The following RANBP17 variants were observed in gnomAD, a reference collection of about 807,000 sequenced individuals.
RANBP17 encodes ran-binding protein 17.
In RANBP17, 158 loss-of-function variants were observed where a neutral mutation model predicts 141.2. The ratio of observed to expected loss-of-function variants is 1.12; its 90% CI spans 0.98 to 1.28. RANBP17 has a LOEUF of 1.28. Ranked by LOEUF, RANBP17 falls within the 50% of genes most tolerant of loss-of-function variation. The pLI is 0.00. For missense variants in RANBP17, 1,438 were observed against 1,290.7 expected (o/e 1.11, Z -1.75); for synonymous variants, 430 against 450.0 (o/e 0.96, Z 0.56).
chr5:171,265,823 G>C lies in RANBP17; in HGVS notation c.2919G>C (p.Gln973His), dbSNP rs749203550. The C allele has an allele frequency of 2.1e-5, 34 of 1,613,298 alleles. No individual in the cohort carries two copies. In the African/African-American group the frequency reaches 4.4e-4, roughly 21 times the overall value. Reference sequence around the variant, plus strand: ...GTCAGAGACTATTACATTTTATGCAGCAAAACCCAGATGTCCTGCAGCAGG... The same window carrying C: ...GTCAGAGACTATTACATTTTATGCACCAAAACCCAGATGTCCTGCAGCAGG... ...QAGQRLLHFM[Q>H]QNPDVLQQMM... The change falls in exon 25 of 28, where the codon CAG (glutamine) becomes CAC (histidine). Residue 973 changes from glutamine (Q) to histidine (H), a missense_variant. Transcript: ENST00000523189.
chr5:170,912,708 A>G (rs917658547), intron 7 of RANBP17, among the ~76,000 whole-genome samples: 1 of 151,870 alleles, frequency 6.6e-6, no homozygotes, highest in Non-Finnish European at 1.5e-5. Flanking sequence ...GGAGGAAAAA[A>G]AAACCAAGAA....
chr5:171,154,901 C>A (rs1225785903), intron 14 of RANBP17, among the ~76,000 whole-genome samples: 1 of 151,430 alleles, frequency 6.6e-6, no homozygotes, highest in Non-Finnish European at 1.5e-5. Context: ...CATAATGAAA[C>A]CCTGTCTCTA....
intron 14 of RANBP17, among the ~76,000 whole-genome samples, chr5:170,997,796 A>C (rs1363353683): frequency 6.6e-6 from 1 of 152,150 alleles, no homozygotes; most frequent in East Asian, 1.9e-4. Context: ...ATATAATAAG[A>C]TCTCAACTGT....
chr5:171,046,401 G>A (rs752533224), intron 14 of RANBP17, among the ~76,000 whole-genome samples: 13 of 151,844 alleles, frequency 8.6e-5, no homozygotes, highest in Non-Finnish European at 1.8e-4. Flanking sequence ...GTAGAGACAC[G>A]GTTTCACCAT....
chr5:170,988,299 T>A (rs74999940), intron 14 of RANBP17, among the ~76,000 whole-genome samples: 1 of 151,182 alleles, frequency 6.6e-6, no homozygotes, highest in Non-Finnish European at 1.5e-5. Flanking sequence ...TTTTTTTTTT[T>A]AAGTAAGGGA....
At chr5:171,066,876 C>G (rs1435670221) in intron 14 of RANBP17, among the ~76,000 whole-genome samples, 2 of 152,170 alleles carry the variant, frequency 1.3e-5, no homozygotes, top group Non-Finnish European at 2.9e-5. Context: ...TGTCTGACAA[C>G]AAATGCTAAT....
intron 25 of RANBP17, among the ~76,000 whole-genome samples, chr5:171,273,013 G>A (rs12517034): frequency 6.6e-6 from 1 of 152,194 alleles, no homozygotes; most frequent in Non-Finnish European, 1.5e-5. Flanking sequence ...TCAGAATCTA[G>A]TTGTACAGCT....
chr5:171,034,225 A>G (rs190559818), intron 14 of RANBP17, among the ~76,000 whole-genome samples: 58 of 152,336 alleles, frequency 3.8e-4, no homozygotes, highest in African/African-American at 1.3e-3. Flanking sequence ...CCAAAGCAAT[A>G]GTAACCTCTT....
chr5:171,087,563 G>T (rs1785774042), intron 14 of RANBP17, among the ~76,000 whole-genome samples: 1 of 151,846 alleles, frequency 6.6e-6, no homozygotes, highest in East Asian at 1.9e-4. Context: ...TGACAGTGGG[G>T]TGTTAAAGTC....
chr5:170,933,995 T>A (rs542879635), intron 12 of RANBP17, among the ~76,000 whole-genome samples: 1 of 152,272 alleles, frequency 6.6e-6, no homozygotes, highest in South Asian at 2.1e-4. Context: ...CGTTGATCTG[T>A]GTAATGTTGA....
intron 14 of RANBP17, among the ~76,000 whole-genome samples, chr5:171,139,065 G>A (rs1461125039): frequency 1.3e-5 from 2 of 151,814 alleles, no homozygotes; most frequent in Non-Finnish European, 2.9e-5. Flanking sequence ...GCAACATACT[G>A]AGACCCTGTC....
chr5:171,152,621 T>G (rs1448151910), intron 14 of RANBP17, among the ~76,000 whole-genome samples: 1 of 152,078 alleles, frequency 6.6e-6, no homozygotes, highest in Non-Finnish European at 1.5e-5. Flanking sequence ...ACTGTCCAGT[T>G]TTTGGTTTCC....
chr5:170,904,180 C>G (rs1334627321), intron 5 of RANBP17: 1 of 313,348 alleles, frequency 3.2e-6, no homozygotes, highest in African/African-American at 2.2e-5. Flanking sequence ...GAAGGCTAGA[C>G]CAGCCTGTCC....
At chr5:170,934,367 G>GT (rs2127463438) in intron 12 of RANBP17, among the ~76,000 whole-genome samples, 1 of 152,008 alleles carries the variant, frequency 6.6e-6, no homozygotes, top group Non-Finnish European at 1.5e-5. Flanking sequence ...ATTTGATCCT[G>GT]TTTTTATGAT....
At chr5:171,239,703 A>G (rs894778032) in intron 22 of RANBP17, among the ~76,000 whole-genome samples, 1 of 152,184 alleles carries the variant, frequency 6.6e-6, no homozygotes, top group Non-Finnish European at 1.5e-5. Context: ...GTGTTATGGT[A>G]TAGAAGTCAG....
chr5:170,936,236 C>T (rs1217401540), intron 12 of RANBP17, among the ~76,000 whole-genome samples: 2 of 152,224 alleles, frequency 1.3e-5, no homozygotes, highest in Admixed American at 6.5e-5. Context: ...GGACCTCTTG[C>T]GCTTCCAGGG....
chr5:171,081,179 A>G (rs1357365317), intron 14 of RANBP17, among the ~76,000 whole-genome samples: 1 of 152,160 alleles, frequency 6.6e-6, no homozygotes, highest in Non-Finnish European at 1.5e-5. Flanking sequence ...CAGGCACTCA[A>G]TAGGTGTTCT....
At chr5:171,243,824 A>C (rs1173400170) in intron 24 of RANBP17, among the ~76,000 whole-genome samples, 1 of 152,026 alleles carries the variant, frequency 6.6e-6, no homozygotes, top group East Asian at 1.9e-4. Flanking sequence ...CTGTAATCCC[A>C]GCACTTTGGG....
chr5:171,193,564 C>G (rs920968445), intron 18 of RANBP17, among the ~76,000 whole-genome samples: 4 of 152,094 alleles, frequency 2.6e-5, no homozygotes, highest in Non-Finnish European at 5.9e-5. Flanking sequence ...TTTTATAATC[C>G]TGGAGGTCAG....
Sources: gnomAD v4.1 joint callset for allele counts (sites outside exome capture counted in the v4.1 genomes callset) on GRCh38, gnomAD v4.1.1 for gene constraint, MANE v1.5 for transcripts, NCBI Gene and HGNC (gene_info 2026-07-23, HGNC 2026-07-21) for gene names.